Variants in TJP3 observed in about 807,000 individuals in gnomAD.
The protein encoded by TJP3 is tight junction protein 3, also known as tight junction protein ZO-3.
TJP3 carries 85 observed loss-of-function variants against 104.2 expected under a neutral mutation model. That is an observed-to-expected ratio of 0.82 (90% CI 0.68 to 0.98). The LOEUF is 0.98. Among genes scored for constraint, TJP3 ranks in the 50% least tolerant of loss-of-function variants. The pLI is 0.00. For synonymous variants in TJP3, 550 were observed against 550.6 expected (o/e 1.00, Z 0.02); for missense variants, 1,367 against 1,322.8 (o/e 1.03, Z -0.52).
intron 1 of TJP3, among the ~76,000 whole-genome samples, chr19:3,715,381 G>A (rs151337281): frequency 1.4e-3 from 212 of 152,206 alleles, no homozygotes; most frequent in African/African-American, 4.6e-3. Context: ...GAGCCACCGC[G>A]CCCGGCCAAA....
rs535654162 is a variant in TJP3 at position 3,721,262 on chromosome 19, G to A, written c.-9-7162G>A. Among the ~76,000 whole-genome samples, 60 of 152,180 alleles carry A rather than the reference G, an allele frequency of 3.9e-4. 1 individual carries two copies. The highest frequency in any genetic ancestry group is 1.2e-3 in the Admixed American group (18 of 15,268). ...AAGACAGAGCCCGCAGGCCAAGACCGCAGGAAAAAGGCACGCAGCCGCTGT... is the reference window on the plus strand; with the variant it reads ...AAGACAGAGCCCGCAGGCCAAGACCACAGGAAAAAGGCACGCAGCCGCTGT... On this transcript the variant is annotated intron_variant, in intron 1 of 20. Coordinates refer to ENST00000541714, the MANE Select transcript of TJP3 (RefSeq NM_001267560.2).
In TJP3 at chr19:3,746,090, G is replaced by T. The variant is rs2036883460; in HGVS notation, c.2010+9G>T. 6.2e-7 allele frequency: 1 copy of T among 1,600,758 alleles called. No individual in the cohort carries two copies. The highest frequency in any genetic ancestry group is 8.5e-7 in the Non-Finnish European group (1 of 1,173,048). On this transcript the variant is annotated intron_variant, in intron 16 of 20. Coordinates refer to ENST00000541714, the MANE Select transcript of TJP3 (RefSeq NM_001267560.2). The surrounding 1 kb of genome is among the most constrained non-coding windows in gnomAD (Gnocchi z 4.1). ...GGGTGATTGCAGAAAAAGTAAGCCGGGTCCTGCTACGGGTCCCATTTCATG... is the reference window on the plus strand; with the variant it reads ...GGGTGATTGCAGAAAAAGTAAGCCGTGTCCTGCTACGGGTCCCATTTCATG...
chr19:3,728,344 C>G, intron 1 of TJP3, 80 bp from the exon 2 acceptor site: 1 of 1,610,228 alleles, frequency 6.2e-7, no homozygotes, highest in African/African-American at 1.3e-5. Context: ...GCTGGACTCC[C>G]CACCCTGAGC....
intron 15 of TJP3, among the ~76,000 whole-genome samples, chr19:3,745,739 C>T (rs904824820): frequency 6.6e-6 from 1 of 152,208 alleles, no homozygotes; most frequent in Non-Finnish European, 1.5e-5. Flanking sequence ...GAGCAAGTGG[C>T]CTGTTGTCTC....
chr19:3,730,684 G>T lies in TJP3; in HGVS notation c.591G>T (p.Leu197=). ...AGATGAAGCCTGTGAAGTCAGTGCT[G>T]GTGAAGAGGAGAGACAGCGAAGGTC... ...DVQMKPVKSV[L]VKRRDSEEFG... Residue 197 remains leucine (L), a synonymous_variant, in exon 5 of 21, where the codon CTG becomes CTT. Transcript: ENST00000541714. The surrounding 1 kb of genome is among the most constrained non-coding windows in gnomAD (Gnocchi z 7.3). 6.2e-7 allele frequency: 1 copy of T among 1,609,276 alleles called. No individual in the cohort carries two copies. Among genetic ancestry groups the T allele is most frequent in the Non-Finnish European group, 8.5e-7 (1 of 1,179,960 alleles).
At chr19:3,720,732 A>G (rs2145670465) in intron 1 of TJP3, among the ~76,000 whole-genome samples, 1 of 151,852 alleles carries the variant, frequency 6.6e-6, no homozygotes, top group Non-Finnish European at 1.5e-5. Context: ...TAACCTTAGG[A>G]ATCCCGGAAT....
chr19:3,740,617 C>T lies in TJP3; in HGVS notation c.1697C>T (p.Ala566Val), dbSNP rs763444158. ...RAVGVGPGSS[A>V]GSNARAEFWR... ...GTGGGAGTCGGGCCCGGCTCCTCCG[C>T]GGGCTCCAATGCTCGGGCCGAGTTC... The change falls in exon 14 of 21, where the codon GCG becomes GTG. Residue 566 changes from alanine to valine, a missense_variant. Transcript: ENST00000541714. 27 of 1,580,136 alleles carry T rather than the reference C, an allele frequency of 1.7e-5. No homozygotes were observed. Among genetic ancestry groups the T allele is most frequent in the East Asian group, 1.4e-4 (6 of 43,928 alleles).
chr19:3,734,724 G>A (rs145188392), intron 8 of TJP3, among the ~76,000 whole-genome samples: 3,117 of 152,270 alleles, frequency 0.02, 120 homozygotes, highest in African/African-American at 0.072. Flanking sequence ...GGAGGCCGAG[G>A]AGGGTGGATC....
At chr19:3,732,221 A>G (rs1879041) in intron 6 of TJP3, among the ~76,000 whole-genome samples, 183 bp downstream of exon 6, 92,885 of 151,896 alleles carry the variant, frequency 0.61, 28,792 homozygotes, top group Admixed American at 0.74. Flanking sequence ...CCCAGCTACT[A>G]CTAATCCACA....
chr19:3,741,711 G>A (rs985718917), intron 14 of TJP3, among the ~76,000 whole-genome samples: 4 of 151,248 alleles, frequency 2.6e-5, no homozygotes, highest in Non-Finnish European at 4.4e-5. Context: ...GCTCACGCCC[G>A]TAATCTCAAT....
chr19:3,728,268 C>CA (rs142866017), intron 1 of TJP3, 156 bp from the exon 2 acceptor site: 22 of 1,223,462 alleles, frequency 1.8e-5, no homozygotes, highest in Non-Finnish European at 1.9e-5. Flanking sequence ...AAAAAACAAA[C>CA]AAAAAAACCT....
chr19:3,716,592 G>A (rs2036478896), intron 1 of TJP3, among the ~76,000 whole-genome samples: 1 of 146,860 alleles, frequency 6.8e-6, no homozygotes. Flanking sequence ...CATGGCCCGG[G>A]AGCCCCATTC....
intron 1 of TJP3, among the ~76,000 whole-genome samples, chr19:3,709,659 C>T (rs79734264): frequency 0.027 from 4,127 of 152,222 alleles, 194 homozygotes; most frequent in African/African-American, 0.093. Context: ...CAGAGCGGCC[C>T]GGCATTTGGG....
chr19:3,746,544 G>A lies in TJP3; in HGVS notation c.2070G>A (p.Gln690=), dbSNP rs767095225. ...PSAIERLNYV[Q]YYPIVVFFIP... ...CCATCGAGCGCCTCAACTATGTGCAGTACTACCCCATTGTGGTCTTCTTCA... is the reference window on the plus strand; with the variant it reads ...CCATCGAGCGCCTCAACTATGTGCAATACTACCCCATTGTGGTCTTCTTCA... Residue 690 remains glutamine, a synonymous_variant, in exon 17 of 21, where the codon CAG becomes CAA. Coordinates refer to ENST00000541714, the MANE Select transcript of TJP3 (RefSeq NM_001267560.2). This position sits in a 1 kb window ranked among gnomAD's most constrained non-coding sequence, Gnocchi z 4.1. 7 of 1,614,102 alleles carry A rather than the reference G, an allele frequency of 4.3e-6. No homozygotes were observed. The highest frequency in any genetic ancestry group is 5.1e-6 in the Non-Finnish European group (6 of 1,180,030).
At chr19:3,726,892 C>A (rs576229916) in intron 1 of TJP3, among the ~76,000 whole-genome samples, 25 of 151,354 alleles carry the variant, frequency 1.7e-4, no homozygotes, top group Non-Finnish European at 2.9e-4. Context: ...TTGAGACCAG[C>A]CTTGGCAACA....
chr19:3,730,627 C>T lies in TJP3; in HGVS notation c.534C>T (p.Ser178=), dbSNP rs151121292. 3.5e-4 allele frequency: 570 copies of T among 1,611,852 alleles called. 4 individuals are homozygous for T. In the African/African-American group the frequency reaches 6.2e-3, roughly 18 times the overall value. The change falls in exon 5 of 21, where the codon TCC becomes TCT. Residue 178 remains serine (S), a synonymous_variant. Transcript: ENST00000541714. This position sits in a 1 kb window ranked among gnomAD's most constrained non-coding sequence, Gnocchi z 7.3. ...GSEANGLALV[S]GFKRLPRQDV... ...AGGCCAACGGGCTGGCCCTGGTGTCCGGCTTTAAGCGGCTGCCACGGCAGG... is the reference window on the plus strand; with the variant it reads ...AGGCCAACGGGCTGGCCCTGGTGTCTGGCTTTAAGCGGCTGCCACGGCAGG...
rs776385849 is a variant in TJP3 at position 3,746,001 on chromosome 19, C to A, written c.1940-10C>A. The A allele has an allele frequency of 1.5e-5, 24 of 1,596,484 alleles. No homozygotes were observed. The highest frequency in any genetic ancestry group is 1.7e-4 in the Middle Eastern group (1 of 6,050). On this transcript the variant is annotated splice_polypyrimidine_tract_variant and intron_variant, in intron 15 of 20. Transcript: ENST00000541714. The surrounding 1 kb of genome is among the most constrained non-coding windows in gnomAD (Gnocchi z 4.1). The stretch of plus-strand genomic sequence containing the variant: ...CTCCTGAAGCTGCTGGTCCTCTCTG[C>A]CGTCCACAGAGACTGTGTCCAGGAC...
At position 3,736,182 on chromosome 19, in the gene TJP3, G is replaced by A. The variant is rs775918791; in HGVS notation, c.1145G>A (p.Arg382His). The change falls in exon 11 of 21, where the codon CGT becomes CAT. Residue 382 changes from arginine (R) to histidine (H), a missense_variant. By Grantham distance (29) the Arg-to-His change is conservative. Coordinates refer to ENST00000541714, the MANE Select transcript of TJP3 (RefSeq NM_001267560.2). ...MEDRGYSPDT[R>H]VVRFLKGKSI... is the part of the protein sequence containing the mutation. ...CCTTGCAGGTACAGCCCCGACACGC[G>A]TGTGGTCCGCTTCCTCAAGGGCAAG... is the stretch of plus-strand genomic sequence containing the variant. 2.2e-5 allele frequency: 35 copies of A among 1,596,304 alleles called. No homozygotes were observed. The highest frequency in any genetic ancestry group is 7.8e-5 in the South Asian group (7 of 89,246).
At chr19:3,709,037 C>T (rs1615339) in intron 1 of TJP3, among the ~76,000 whole-genome samples, 106,733 of 152,002 alleles carry the variant, frequency 0.7, 37,934 homozygotes, top group East Asian at 1. Context: ...CTGCGTCTCC[C>T]GCCCCCCAAC....
Sources: allele counts gnomAD v4.1 joint callset (sites outside exome capture counted in the v4.1 genomes callset), GRCh38; gene constraint gnomAD v4.1.1; non-coding constraint Gnocchi (gnomAD v3.1); transcripts MANE v1.5; gene names NCBI Gene and HGNC (gene_info 2026-07-23, HGNC 2026-07-21).